FAM3C: variants seen among roughly 807,000 people sequenced by gnomAD.
The protein encoded by FAM3C is FAM3 metabolism regulating signaling molecule C.
In FAM3C, 15 loss-of-function variants were observed where a neutral mutation model predicts 32.5. The ratio of observed to expected loss-of-function variants is 0.46; its 90% CI spans 0.31 to 0.71. The LOEUF is 0.71. Among genes scored for constraint, FAM3C ranks in the 30% least tolerant of loss-of-function variants. FAM3C has a pLI of 0.05. For missense variants in FAM3C, 175 were observed against 274.4 expected (o/e 0.64, Z 2.56); for synonymous variants, 75 against 86.1 (o/e 0.87, Z 0.72).
intron 1 of FAM3C, among the ~76,000 whole-genome samples, chr7:121,390,158 G>C (rs1186108782): frequency 6.6e-6 from 1 of 152,162 alleles, no homozygotes; most frequent in Non-Finnish European, 1.5e-5. Context: ...AAGATAATAA[G>C]AGGAACCTCT....
chr7:121,370,519 G>A (rs923645461), intron 5 of FAM3C, among the ~76,000 whole-genome samples: 2 of 152,128 alleles, frequency 1.3e-5, no homozygotes, highest in African/African-American at 4.8e-5. Context: ...CCCATGTCTA[G>A]TTTTCTAGGC....
chr7:121,377,770 A>G (rs1794268132), intron 3 of FAM3C, among the ~76,000 whole-genome samples: 1 of 152,200 alleles, frequency 6.6e-6, no homozygotes, highest in South Asian at 2.1e-4. Flanking sequence ...ATTGTGTTCA[A>G]CTGCTTACAG....
intron 3 of FAM3C, among the ~76,000 whole-genome samples, chr7:121,377,462 A>T (rs2116933276): frequency 6.6e-6 from 1 of 152,302 alleles, no homozygotes; most frequent in East Asian, 1.9e-4. Flanking sequence ...CTAGACCAAA[A>T]TATGGTTTCT....
chr7:121,360,181 G>A (rs1793891537), intron 7 of FAM3C, 54 bp from the exon 8 acceptor site: 5 of 879,292 alleles, frequency 5.7e-6, no homozygotes, highest in Admixed American at 1.8e-5. Flanking sequence ...TAAGCATCAC[G>A]ATAATCTCTG....
At chr7:121,378,594 C>T (rs1055033542) in intron 3 of FAM3C, among the ~76,000 whole-genome samples, 3 of 152,132 alleles carry the variant, frequency 2.0e-5, no homozygotes, top group African/African-American at 2.4e-5. Context: ...CCAACTTAAA[C>T]AGGAAAACAA....
intron 8 of FAM3C, among the ~76,000 whole-genome samples, chr7:121,358,902 A>G (rs1584691221): frequency 2.6e-5 from 4 of 152,020 alleles, no homozygotes; most frequent in Admixed American, 2.0e-4. Context: ...AATGGTTAAT[A>G]TCCTTAAAAC....
intron 1 of FAM3C, among the ~76,000 whole-genome samples, chr7:121,391,843 T>C (rs994057190): frequency 6.6e-6 from 1 of 152,212 alleles, no homozygotes; most frequent in African/African-American, 2.4e-5. Flanking sequence ...CAAAACCAAT[T>C]AGGCCTCATA....
chr7:121,365,893 C>A (rs989580594), intron 5 of FAM3C, among the ~76,000 whole-genome samples: 1 of 152,100 alleles, frequency 6.6e-6, no homozygotes, highest in African/African-American at 2.4e-5. Context: ...TATCAATGGG[C>A]AAAGGGTTTC....
intron 5 of FAM3C, among the ~76,000 whole-genome samples, chr7:121,369,234 A>G (rs2536158): frequency 0.26 from 38,827 of 150,662 alleles, 5,945 homozygotes; most frequent in African/African-American, 0.44. Context: ...ACCCGCTTCG[A>G]CCTCCCAAAG....
At position 121,383,287 on chromosome 7, in the gene FAM3C, T is replaced by C. The variant is rs529870556; in HGVS notation, c.-41-277A>G. 5.3e-5 allele frequency among the ~76,000 whole-genome samples: 8 copies of C among 152,310 alleles called. No individual in the cohort carries two copies. The East Asian group carries it at 1.2e-3, about 22-fold the overall frequency. Reference sequence around the variant, plus strand: ...TTGTGAATAGAAGAGAATGCCTTCTTATTCTCATGGATTATGCATCTATAA... The same window carrying C: ...TTGTGAATAGAAGAGAATGCCTTCTCATTCTCATGGATTATGCATCTATAA... On this transcript the variant is annotated intron_variant, in intron 1 of 9. Coordinates refer to ENST00000359943, the MANE Select transcript of FAM3C (RefSeq NM_014888.3).
chr7:121,350,759 G>A (rs888014970), intron 9 of FAM3C, among the ~76,000 whole-genome samples: 1 of 152,048 alleles, frequency 6.6e-6, no homozygotes, highest in African/African-American at 2.4e-5. Context: ...TACATTGCAC[G>A]TGCTTTTAAA....
intron 5 of FAM3C, among the ~76,000 whole-genome samples, chr7:121,369,584 G>C (rs1427052546): frequency 6.6e-6 from 1 of 152,176 alleles, no homozygotes; most frequent in East Asian, 1.9e-4. Flanking sequence ...CGCCCACCAT[G>C]CTAGAAGCAA....
rs1209331465 is a variant in FAM3C at position 121,364,713 on chromosome 7, G to C, written c.273-525C>G. Among the ~76,000 whole-genome samples, 3 of 152,006 alleles carry C rather than the reference G, an allele frequency of 2.0e-5. No homozygotes were observed. In the East Asian group the frequency reaches 5.8e-4, roughly 29 times the overall value. On this transcript the variant is annotated intron_variant, in intron 5 of 9. Coordinates refer to ENST00000359943, the MANE Select transcript of FAM3C (RefSeq NM_014888.3). ...AAGTTCGTCTACACTAAGAAATATTGCACTCATGAAATCACTGCATTGAAT... is the reference window on the plus strand; with the variant it reads ...AAGTTCGTCTACACTAAGAAATATTCCACTCATGAAATCACTGCATTGAAT...
intron 2 of FAM3C, among the ~76,000 whole-genome samples, chr7:121,382,002 T>C (rs976263491): frequency 1.3e-5 from 2 of 152,292 alleles, no homozygotes; most frequent in Middle Eastern, 3.4e-3. Flanking sequence ...AGGAAAATAA[T>C]TGGTTTGCTG....
intron 3 of FAM3C, among the ~76,000 whole-genome samples, chr7:121,373,932 C>T (rs1794193925): frequency 6.7e-6 from 1 of 148,946 alleles, no homozygotes; most frequent in Admixed American, 6.7e-5. Context: ...CGAGGTGGAG[C>T]TTGTGGTGAG....
chr7:121,371,901 T>C (rs1054658638), intron 4 of FAM3C, among the ~76,000 whole-genome samples: 2 of 152,196 alleles, frequency 1.3e-5, no homozygotes, highest in South Asian at 4.1e-4. Context: ...TCTGTACTTA[T>C]AATAACGGAG....
At position 121,351,278 on chromosome 7, in the gene FAM3C, G is replaced by A. The variant is rs201961854; in HGVS notation, c.468-9C>T. The A allele has an allele frequency of 9.8e-4, 1,584 of 1,611,856 alleles. 6 individuals are homozygous for A. The highest frequency in any genetic ancestry group is 9.0e-4 in the Non-Finnish European group (1,066 of 1,178,860). The stretch of plus-strand genomic sequence containing the variant: ...GTGCCTCATCATTGAGTCTTGAAGA[G>A]GGAGAGAAAGAATACAACAATAAAC... On this transcript the variant is annotated splice_polypyrimidine_tract_variant and intron_variant, in intron 8 of 9. Transcript: ENST00000359943.
intron 8 of FAM3C, among the ~76,000 whole-genome samples, chr7:121,356,935 T>C (rs1366070481): frequency 1.3e-5 from 2 of 152,162 alleles, no homozygotes; most frequent in Non-Finnish European, 2.9e-5. Context: ...TCTTGTTTTT[T>C]AAATGGGCTT....
Position 121,351,173 on chromosome 7 carries a change from C to T in FAM3C, c.564G>A (p.Lys188=). ...FRDNWVFCGG[K]GIKTKSPFEQ... ...CAAAAGGGCTTTTTGTCTTAATGCC[C>T]TTCCCACCACAGAAGACCCAGTTGT... Residue 188 remains lysine, a synonymous_variant, in exon 9 of 10, where the codon AAG becomes AAA. Transcript: ENST00000359943. 6.2e-7 allele frequency: 1 copy of T among 1,613,636 alleles called. No homozygotes were observed. The highest frequency in any genetic ancestry group is 8.5e-7 in the Non-Finnish European group (1 of 1,179,716).
Sources: gnomAD v4.1 joint callset for allele counts (sites outside exome capture counted in the v4.1 genomes callset) on GRCh38, gnomAD v4.1.1 for gene constraint, MANE v1.5 for transcripts, NCBI Gene and HGNC (gene_info 2026-07-23, HGNC 2026-07-21) for gene names.